Variants in EXOC4 observed in about 807,000 individuals in gnomAD.
The protein encoded by EXOC4 is exocyst complex component 4.
EXOC4 carries 71 observed loss-of-function variants against 107.2 expected under a neutral mutation model. The ratio of observed to expected loss-of-function variants is 0.66; its 90% CI spans 0.55 to 0.81. The LOEUF is 0.81. Ranked by LOEUF, EXOC4 falls within the 30% of genes least tolerant of loss-of-function variation. The pLI is 0.00. For synonymous variants in EXOC4, 456 were observed against 441.2 expected (o/e 1.03, Z -0.42); for missense variants, 1,108 against 1,189.6 (o/e 0.93, Z 1.01).
chr7:133,392,041 C>T (rs1339361166), intron 7 of EXOC4, among the ~76,000 whole-genome samples: 2 of 152,188 alleles, frequency 1.3e-5, no homozygotes, highest in Non-Finnish European at 2.9e-5. Flanking sequence ...TTAAGAAATA[C>T]ATAGTATAAA....
intron 9 of EXOC4, among the ~76,000 whole-genome samples, chr7:133,501,622 C>T (rs1799577455): frequency 6.6e-6 from 1 of 152,040 alleles, no homozygotes; most frequent in Non-Finnish European, 1.5e-5. Flanking sequence ...TCTCTGGTTT[C>T]TAGGGGAAAA....
chr7:134,068,619 A>G (rs1287376272), downstream of EXOC4, among the ~76,000 whole-genome samples: 2 of 152,104 alleles, frequency 1.3e-5, no homozygotes, highest in Admixed American at 6.5e-5. Flanking sequence ...CTTAGGTACT[A>G]TTACTTCTAT....
intron 6 of EXOC4, among the ~76,000 whole-genome samples, chr7:133,370,195 T>C (rs1796344125): frequency 7.4e-6 from 1 of 134,582 alleles, no homozygotes; most frequent in Non-Finnish European, 1.5e-5. Flanking sequence ...TCAATCAGTT[T>C]AGGAAGTTTA....
chr7:133,469,827 C>G (rs1052221644), intron 7 of EXOC4, among the ~76,000 whole-genome samples: 3 of 152,182 alleles, frequency 2.0e-5, no homozygotes, highest in African/African-American at 7.2e-5. Flanking sequence ...TCTTTATTCT[C>G]CCTCTGCGGA....
At chr7:133,538,399 A>G (rs1800314421) in intron 9 of EXOC4, among the ~76,000 whole-genome samples, 1 of 152,150 alleles carries the variant, frequency 6.6e-6, no homozygotes, top group East Asian at 1.9e-4. Context: ...GGTTCTTAAA[A>G]TATTTTACTC....
chr7:133,584,053 G>T (rs1441187524), intron 9 of EXOC4, among the ~76,000 whole-genome samples: 1 of 152,166 alleles, frequency 6.6e-6, no homozygotes, highest in Non-Finnish European at 1.5e-5. Context: ...ATTGCATGCT[G>T]GAGGTTTAAC....
chr7:133,807,101 C>T (rs1205852338), intron 10 of EXOC4, among the ~76,000 whole-genome samples: 1 of 152,146 alleles, frequency 6.6e-6, no homozygotes, highest in East Asian at 1.9e-4. Flanking sequence ...TTCATATACG[C>T]AGGTTCTGCA....
intron 9 of EXOC4, among the ~76,000 whole-genome samples, chr7:133,591,173 G>A (rs952831490): frequency 6.6e-6 from 1 of 151,772 alleles, no homozygotes; most frequent in Non-Finnish European, 1.5e-5. Context: ...TGAGAGTATA[G>A]GCATGTACCA....
chr7:133,910,625 A>G (rs1476234668), intron 12 of EXOC4, among the ~76,000 whole-genome samples: 1 of 152,164 alleles, frequency 6.6e-6, no homozygotes, highest in Non-Finnish European at 1.5e-5. Context: ...TTTATTTGGC[A>G]GCATAATACT....
rs902939006 is a variant in EXOC4 at position 134,064,784 on chromosome 7, G to A, written c.*256G>A. ...GGACTAGGGTGGGATAGGGAGGAAG[G>A]TGGTATCAAATTGTTGGACTCTGAA... On this transcript the variant is annotated 3_prime_UTR_variant, in exon 18 of 18. Coordinates refer to ENST00000253861, the MANE Select transcript of EXOC4 (RefSeq NM_021807.4). 1 of 263,742 alleles carries A rather than the reference G, an allele frequency of 3.8e-6. No individual in the cohort carries two copies. The allele number at this position is 263,742 out of a possible 1,614,324, so 16.3% of individuals were successfully genotyped here. A position where few individuals can be genotyped will look rare whatever the true frequency, so the allele number is the denominator to read the frequency against.
In EXOC4 at chr7:133,490,939, A is replaced by G. The variant is rs533663604; in HGVS notation, c.1417+10801A>G. On this transcript the variant is annotated intron_variant, in intron 9 of 17. Coordinates refer to ENST00000253861, the MANE Select transcript of EXOC4 (RefSeq NM_021807.4). ...CATATTATATTAGACTCTGCATGGT[A>G]GCTGAGGCTGGAAATATTGGTAGGG... 1.1e-4 allele frequency among the ~76,000 whole-genome samples: 16 copies of G among 152,310 alleles called. No homozygotes were observed. The East Asian group carries it at 2.9e-3, about 28-fold the overall frequency.
intron 14 of EXOC4, among the ~76,000 whole-genome samples, chr7:133,971,345 TATATATATATATATATAGAG>T (rs1248291475): frequency 4.2e-5 from 4 of 94,522 alleles, no homozygotes; most frequent in East Asian, 7.0e-4. Flanking sequence ...TATATATATA[TATATATATATATATATAGAG>T]AGAGAGAGAG....
At chr7:133,688,926 T>A (rs1585080350) in intron 10 of EXOC4, among the ~76,000 whole-genome samples, 1 of 152,226 alleles carries the variant, frequency 6.6e-6, no homozygotes, top group Non-Finnish European at 1.5e-5. Context: ...TTGCCATAGG[T>A]ACATTTTGTG....
At chr7:133,765,014 C>T (rs1271519195) in intron 10 of EXOC4, among the ~76,000 whole-genome samples, 1 of 151,978 alleles carries the variant, frequency 6.6e-6, no homozygotes, top group African/African-American at 2.4e-5. Context: ...CAGTTGTGAC[C>T]ATCAGCTAAG....
chr7:133,936,748 C>T (rs1800312333), intron 13 of EXOC4, among the ~76,000 whole-genome samples: 1 of 152,212 alleles, frequency 6.6e-6, no homozygotes, highest in Non-Finnish European at 1.5e-5. Context: ...CAACCTCCGC[C>T]TCCCGGGTTC....
intron 5 of EXOC4, among the ~76,000 whole-genome samples, chr7:133,331,442 ATTATC>A (rs1259082641): frequency 6.7e-6 from 1 of 148,302 alleles, no homozygotes; most frequent in Non-Finnish European, 1.5e-5. Context: ...TTAATCAGGT[ATTATC>A]TTCTTTCTTT....
Position 134,032,702 on chromosome 7 carries a change from C to T in EXOC4, c.2687+24867C>T, listed in dbSNP as rs559438341. 1.0e-3 allele frequency among the ~76,000 whole-genome samples: 156 copies of T among 152,144 alleles called. 1 individual carries two copies. Among genetic ancestry groups the T allele is most frequent in the Non-Finnish European group, 1.5e-3 (101 of 68,008 alleles). On this transcript the variant is annotated intron_variant, in intron 17 of 17. Transcript: ENST00000253861. Reference sequence around the variant, plus strand: ...CTTTTAGGGGTCAGCACATTAGAGCCCCAGCATGTCTCTTCTGTACTGGTT... The same window carrying T: ...CTTTTAGGGGTCAGCACATTAGAGCTCCAGCATGTCTCTTCTGTACTGGTT...
At chr7:133,974,042 C>A (rs1023694509) in intron 14 of EXOC4, among the ~76,000 whole-genome samples, 2 of 152,144 alleles carry the variant, frequency 1.3e-5, no homozygotes, top group African/African-American at 4.8e-5. Flanking sequence ...AGGGTAGAAC[C>A]CTCAGGCCTA....
chr7:133,616,901 G>A, intron 9 of EXOC4, among the ~76,000 whole-genome samples: 1 of 152,176 alleles, frequency 6.6e-6, no homozygotes, highest in African/African-American at 2.4e-5. Flanking sequence ...ATATTGTAAA[G>A]GAAATTTTAT....
Sources: gnomAD v4.1 joint callset for allele counts (sites outside exome capture counted in the v4.1 genomes callset) on GRCh38, gnomAD v4.1.1 for gene constraint, MANE v1.5 for transcripts, NCBI Gene and HGNC (gene_info 2026-07-23, HGNC 2026-07-21) for gene names.